PPP3CA: variants seen among roughly 807,000 people sequenced by gnomAD.
The protein encoded by PPP3CA is protein phosphatase 3 catalytic subunit alpha.
In PPP3CA, 14 loss-of-function variants were observed where a neutral mutation model predicts 66.5. The ratio of observed to expected loss-of-function variants is 0.21; its 90% CI spans 0.14 to 0.33. The LOEUF is 0.33. PPP3CA is among the 10% of genes least tolerant of loss of function. The pLI is 1.00. For synonymous variants in PPP3CA, 232 were observed against 226.2 expected (o/e 1.03, Z -0.23); for missense variants, 317 against 639.5 (o/e 0.50, Z 5.44).
At chr4:101,241,263 G>A (rs1390065175) in intron 1 of PPP3CA, among the ~76,000 whole-genome samples, 2 of 152,070 alleles carry the variant, frequency 1.3e-5, no homozygotes, top group Non-Finnish European at 2.9e-5. Context: ...CCTATGGAAA[G>A]GTGCTTCATC....
At chr4:101,230,096 A>C (rs1326707031) in intron 1 of PPP3CA, among the ~76,000 whole-genome samples, 1 of 151,642 alleles carries the variant, frequency 6.6e-6, no homozygotes, top group Non-Finnish European at 1.5e-5. Flanking sequence ...ATTCCATGAG[A>C]TCTGGATTAT....
intron 1 of PPP3CA, among the ~76,000 whole-genome samples, chr4:101,221,602 A>G (rs1302536038): frequency 6.6e-6 from 1 of 151,652 alleles, no homozygotes; most frequent in Non-Finnish European, 1.5e-5. Flanking sequence ...AAGAATATAT[A>G]AGAAGAAATT....
intron 10 of PPP3CA, among the ~76,000 whole-genome samples, chr4:101,043,631 T>C (rs1727630752): frequency 1.3e-5 from 2 of 152,000 alleles, no homozygotes; most frequent in African/African-American, 2.4e-5. Flanking sequence ...TCCCAGCACT[T>C]TGGGAGACTG....
chr4:101,307,327 C>T (rs1036242807), intron 1 of PPP3CA, among the ~76,000 whole-genome samples: 3 of 152,126 alleles, frequency 2.0e-5, no homozygotes, highest in African/African-American at 2.4e-5. Context: ...AACTGAAACA[C>T]AGAATGTGTT....
At chr4:101,167,762 T>C (rs1407306491) in intron 2 of PPP3CA, among the ~76,000 whole-genome samples, 3 of 152,026 alleles carry the variant, frequency 2.0e-5, no homozygotes, top group Non-Finnish European at 4.4e-5. Context: ...GGTATAATTA[T>C]GTGGGTGACA....
At chr4:101,220,303 T>TTG (rs1165153093) in intron 1 of PPP3CA, among the ~76,000 whole-genome samples, 1 of 151,158 alleles carries the variant, frequency 6.6e-6, no homozygotes, top group Non-Finnish European at 1.5e-5. Context: ...CAGCACGTTT[T>TTG]TTTTTTTATT....
chr4:101,215,179 TC>T (rs1049712520), intron 1 of PPP3CA, among the ~76,000 whole-genome samples: 3 of 151,822 alleles, frequency 2.0e-5, no homozygotes, highest in Non-Finnish European at 4.4e-5. Context: ...AAATAATAAT[TC>T]ACAGTGTTAT....
At chr4:101,035,878 T>A (rs1409039371) in intron 11 of PPP3CA, among the ~76,000 whole-genome samples, 1 of 152,198 alleles carries the variant, frequency 6.6e-6, no homozygotes, top group African/African-American at 2.4e-5. Context: ...CTCTTTGCCC[T>A]AGGTGTTGTA....
chr4:101,153,859 G>GTTAC (rs1723220751), intron 2 of PPP3CA, among the ~76,000 whole-genome samples: 1 of 151,932 alleles, frequency 6.6e-6, no homozygotes, highest in African/African-American at 2.4e-5. Context: ...ATGTTACCAA[G>GTTAC]TTACTATCAC....
At chr4:101,330,203 G>A (rs1403311838) in intron 1 of PPP3CA, 22 of 395,548 alleles carry the variant, frequency 5.6e-5, no homozygotes, top group Non-Finnish European at 1.1e-4. Context: ...GCCTTCAGAG[G>A]AGGGAGTAAC....
intron 1 of PPP3CA, among the ~76,000 whole-genome samples, chr4:101,256,873 T>C (rs530512365): frequency 1.2e-4 from 19 of 152,154 alleles, no homozygotes; most frequent in African/African-American, 3.4e-4. Context: ...CTGAACTAGA[T>C]AGTTTCAAGT....
chr4:101,308,358 T>C (rs888036319), intron 1 of PPP3CA, among the ~76,000 whole-genome samples: 1 of 152,242 alleles, frequency 6.6e-6, no homozygotes, highest in Non-Finnish European at 1.5e-5. Flanking sequence ...TTGGTATTAC[T>C]ATCATTCCAT....
chr4:101,189,716 G>C (rs10025780), intron 2 of PPP3CA, among the ~76,000 whole-genome samples: 64,820 of 125,140 alleles, frequency 0.52, 17,194 homozygotes, highest in Middle Eastern at 0.68. Flanking sequence ...AAAACCAAAA[G>C]AACCTAACAA....
At chr4:101,032,438 A>G in intron 11 of PPP3CA, 74 bp from the exon 12 acceptor site, 1 of 1,287,310 alleles carries the variant, frequency 7.8e-7, no homozygotes, top group South Asian at 1.3e-5. Context: ...CTGAAAGGAA[A>G]AAAAATGCAT....
intron 1 of PPP3CA, among the ~76,000 whole-genome samples, chr4:101,242,778 A>C (rs1281141352): frequency 6.6e-6 from 1 of 152,110 alleles, no homozygotes; most frequent in Admixed American, 6.5e-5. Context: ...AAAATAAAAT[A>C]TTAGCTGGGC....
intron 8 of PPP3CA, among the ~76,000 whole-genome samples, chr4:101,071,924 A>G (rs896601447): frequency 1.3e-5 from 2 of 151,444 alleles, no homozygotes; most frequent in Non-Finnish European, 1.5e-5. Context: ...ATTAAAATAT[A>G]TAGTACAAGG....
At chr4:101,170,387 ATT>A (rs1009577302) in intron 2 of PPP3CA, among the ~76,000 whole-genome samples, 3 of 152,136 alleles carry the variant, frequency 2.0e-5, no homozygotes, top group African/African-American at 7.2e-5. Flanking sequence ...CAAGGCTATA[ATT>A]TTTCCTGGTA....
At chr4:101,323,239 T>C (rs1488885085) in intron 1 of PPP3CA, among the ~76,000 whole-genome samples, 1 of 152,166 alleles carries the variant, frequency 6.6e-6, no homozygotes, top group Non-Finnish European at 1.5e-5. Flanking sequence ...CCTGTAGGTG[T>C]TCCTCAAATA....
intron 1 of PPP3CA, among the ~76,000 whole-genome samples, chr4:101,275,194 G>A (rs770877608): frequency 5.9e-5 from 9 of 152,190 alleles, no homozygotes; most frequent in African/African-American, 2.2e-4. Context: ...CTGACTCCAA[G>A]CTTCTGCAGT....
Sources: gnomAD v4.1 joint callset for allele counts (sites outside exome capture counted in the v4.1 genomes callset) on GRCh38, gnomAD v4.1.1 for gene constraint, MANE v1.5 for transcripts, NCBI Gene and HGNC (gene_info 2026-07-23, HGNC 2026-07-21) for gene names.